Variants in DNAH6 observed in about 807,000 individuals in gnomAD.
DNAH6 encodes the protein axonemal beta dynein heavy chain 6.
DNAH6 carries 340 observed loss-of-function variants against 491.4 expected under a neutral mutation model. The observed-to-expected ratio is 0.69, with a 90% CI of 0.63 to 0.76. The LOEUF (loss-of-function observed/expected upper bound fraction) is 0.76. DNAH6 is among the 30% of genes least tolerant of loss of function. The pLI is 0.00. For missense variants in DNAH6, 4,443 were observed against 4,972.2 expected (o/e 0.89, Z 3.20); for synonymous variants, 1,603 against 1,686.1 (o/e 0.95, Z 1.21).
intron 2 of DNAH6, among the ~76,000 whole-genome samples, chr2:84,519,846 C>G (rs1393461317): frequency 6.6e-6 from 1 of 151,854 alleles, no homozygotes; most frequent in East Asian, 1.9e-4. Flanking sequence ...CAATTTTATA[C>G]AAATTTATTT....
At chr2:84,673,987 G>A (rs1357607472) in intron 40 of DNAH6, among the ~76,000 whole-genome samples, 1 of 152,198 alleles carries the variant, frequency 6.6e-6, no homozygotes, top group Non-Finnish European at 1.5e-5. Flanking sequence ...AGTCAAGAGG[G>A]AGAAGGGGGA....
the DNAH6 span, among the ~76,000 whole-genome samples, chr2:84,497,209 GA>G: frequency 6.6e-6 from 1 of 152,048 alleles, no homozygotes; most frequent in African/African-American, 2.4e-5. Flanking sequence ...GACCTCTAGT[GA>G]CCCGCCAGCC....
intron 64 of DNAH6, among the ~76,000 whole-genome samples, chr2:84,764,747 G>A (rs1336330526): frequency 6.6e-6 from 1 of 152,046 alleles, no homozygotes; most frequent in African/African-American, 2.4e-5. Context: ...CCATGTTGCT[G>A]CAAAGAACAT....
upstream of DNAH6, among the ~76,000 whole-genome samples, chr2:84,514,314 C>G (rs2104385315): frequency 6.6e-6 from 1 of 152,170 alleles, no homozygotes; most frequent in East Asian, 1.9e-4. Flanking sequence ...TCAGCTCTGC[C>G]ACTTACTACC....
At chr2:84,653,948 C>T (rs1490367695) in intron 34 of DNAH6, 74 bp downstream of exon 34, 2 of 1,199,418 alleles carry the variant, frequency 1.7e-6, no homozygotes, top group Non-Finnish European at 2.3e-6. Flanking sequence ...TTTTCTCACA[C>T]TGATGTAGCC....
intron 57 of DNAH6, 29 bp downstream of exon 57, chr2:84,713,288 C>A: frequency 6.5e-7 from 1 of 1,543,578 alleles, no homozygotes; most frequent in Admixed American, 2.0e-5. Context: ...GAATTCTCAA[C>A]TTAACTGGAT....
intron 76 of DNAH6, among the ~76,000 whole-genome samples, chr2:84,817,889 AC>A (rs1050586666): frequency 1.1e-4 from 17 of 151,888 alleles, no homozygotes; most frequent in African/African-American, 4.1e-4. Context: ...GTGACAGCTC[AC>A]CCCCCATTCC....
chr2:84,707,825 T>TA, intron 54 of DNAH6, 109 bp downstream of exon 54: 1 of 772,502 alleles, frequency 1.3e-6, no homozygotes, highest in South Asian at 2.0e-5. Context: ...TAGAGGTTCT[T>TA]CATGGTGGAA....
chr2:84,488,642 T>A, the DNAH6 span, among the ~76,000 whole-genome samples: 2,238 of 152,270 alleles, frequency 0.015, 25 homozygotes, highest in Non-Finnish European at 0.022. Flanking sequence ...CTCCTCCCTC[T>A]TATGTAGACC....
the DNAH6 span, among the ~76,000 whole-genome samples, chr2:84,508,396 G>C: frequency 1.3e-5 from 2 of 152,172 alleles, no homozygotes; most frequent in Non-Finnish European, 2.9e-5. Flanking sequence ...TTGTATATCT[G>C]TGGGATTGGT....
chr2:84,708,944 A>T (rs1026021745), intron 54 of DNAH6, among the ~76,000 whole-genome samples: 1 of 152,200 alleles, frequency 6.6e-6, no homozygotes, highest in Non-Finnish European at 1.5e-5. Context: ...TCATATGCCA[A>T]CATCCCTATC....
the DNAH6 span, among the ~76,000 whole-genome samples, chr2:84,489,849 A>G: frequency 1.6e-4 from 24 of 152,336 alleles, no homozygotes; most frequent in Non-Finnish European, 5.9e-5. Flanking sequence ...TTTCTGATTC[A>G]GTAGTTCTGA....
intron 29 of DNAH6, 115 bp downstream of exon 29, chr2:84,625,178 A>G: frequency 1.0e-6 from 1 of 982,996 alleles, no homozygotes; most frequent in Non-Finnish European, 1.4e-6. Context: ...AGAGAAAAGA[A>G]ATGGGGTAAA....
In DNAH6 at chr2:84,637,303, G is replaced by A. The variant is rs1305294282; in HGVS notation, c.4747G>A (p.Glu1583Lys). The change falls in exon 31 of 77, where the codon GAA becomes AAA. Residue 1583 changes from glutamate to lysine, a missense_variant. Physicochemically the swap from Glu to Lys is moderately conservative, Grantham distance 56 (BLOSUM62 1). Coordinates refer to ENST00000389394, the MANE Select transcript of DNAH6 (RefSeq NM_001370.2). ...TMNPGYAGRT[E>K]LPDNLKALFR... ...GAATCCTGGCTATGCAGGGAGAACT[G>A]AATTGCCAGATAATTTGAAAGCCCT... is the stretch of plus-strand genomic sequence containing the variant. 1.3e-6 allele frequency: 2 copies of A among 1,551,196 alleles called. No individual in the cohort carries two copies. Among genetic ancestry groups the A allele is most frequent in the Non-Finnish European group, 1.7e-6 (2 of 1,146,748 alleles).
chr2:84,622,834 C>A (rs2104408840), intron 26 of DNAH6, among the ~76,000 whole-genome samples: 1 of 152,264 alleles, frequency 6.6e-6, no homozygotes, highest in South Asian at 2.1e-4. Context: ...CCCTTGCCAA[C>A]ATGGGTTATC....
At chr2:84,508,863 T>C in the DNAH6 span, among the ~76,000 whole-genome samples, 2 of 152,232 alleles carry the variant, frequency 1.3e-5, no homozygotes, top group Admixed American at 6.5e-5. Context: ...TCAGTTTCCA[T>C]GTAGTTGAGC....
intron 42 of DNAH6, among the ~76,000 whole-genome samples, chr2:84,684,782 G>A (rs1424709163): frequency 1.3e-5 from 2 of 152,176 alleles, no homozygotes; most frequent in Non-Finnish European, 2.9e-5. Context: ...TGCTTTGATT[G>A]TAACTTGAAA....
At chr2:84,554,983 G>A (rs555580667) in intron 10 of DNAH6, among the ~76,000 whole-genome samples, 1 of 152,304 alleles carries the variant, frequency 6.6e-6, no homozygotes, top group South Asian at 2.1e-4. Flanking sequence ...AACATACATG[G>A]TCAAGCTCTG....
intron 62 of DNAH6, among the ~76,000 whole-genome samples, chr2:84,743,666 C>G (rs1573671618): frequency 1.3e-5 from 2 of 151,994 alleles, no homozygotes; most frequent in African/African-American, 4.8e-5. Flanking sequence ...TACTAAAATA[C>G]AAAAAATTAG....
Sources: gnomAD v4.1 joint callset for allele counts (sites outside exome capture counted in the v4.1 genomes callset) on GRCh38, gnomAD v4.1.1 for gene constraint, MANE v1.5 for transcripts, NCBI Gene and HGNC (gene_info 2026-07-23, HGNC 2026-07-21) for gene names.